The following ZNF610 variants were observed in gnomAD, a reference collection of about 807,000 sequenced individuals.
ZNF610 encodes zink finger protein.
Under a neutral mutation model 14.1 loss-of-function variants are expected in ZNF610, and 14 were observed. The ratio of observed to expected loss-of-function variants is 0.99; its 90% CI spans 0.65 to 1.55. The LOEUF is 1.55. ZNF610 is among the 40% of genes most tolerant of loss of function. The pLI is 0.00. For synonymous variants in ZNF610, 185 were observed against 187.6 expected (o/e 0.99, Z 0.11); for missense variants, 530 against 558.0 (o/e 0.95, Z 0.51).
intron 1 of ZNF610, among the ~76,000 whole-genome samples, chr19:52,337,668 C>A (rs1222727966): frequency 2.0e-5 from 3 of 152,064 alleles, no homozygotes; most frequent in Non-Finnish European, 4.4e-5. Context: ...AGAGGGGGAA[C>A]CTGAGTGCAG....
intron 5 of ZNF610, among the ~76,000 whole-genome samples, chr19:52,355,723 G>A (rs531281036): frequency 2.8e-4 from 43 of 152,320 alleles, no homozygotes; most frequent in Non-Finnish European, 4.6e-4. Flanking sequence ...TACTTTGCTC[G>A]GGTGGCTCAC....
upstream of ZNF610, chr19:52,336,224 TGC>T (rs1193877778): frequency 2.1e-5 from 5 of 237,346 alleles, no homozygotes; most frequent in East Asian, 1.6e-4. Context: ...CTCTCTATGC[TGC>T]GCGCGCGCAG....
upstream of ZNF610, among the ~76,000 whole-genome samples, chr19:52,334,513 AAAAATAAAAT>A (rs145352931): frequency 1.3e-4 from 20 of 152,258 alleles, no homozygotes; most frequent in African/African-American, 4.8e-4. Context: ...ACTTTGTCTC[AAAAATAAAAT>A]AAAATAAAGT....
intron 5 of ZNF610, among the ~76,000 whole-genome samples, chr19:52,359,604 A>G (rs1172342024): frequency 6.6e-6 from 1 of 152,156 alleles, no homozygotes; most frequent in African/African-American, 2.4e-5. Flanking sequence ...CTCTCAAACC[A>G]TGTTTTTCCT....
At chr19:52,343,563 TC>T (rs1984788629) in intron 1 of ZNF610, among the ~76,000 whole-genome samples, 2 of 49,374 alleles carry the variant, frequency 4.1e-5, no homozygotes, top group Non-Finnish European at 1.4e-4. Flanking sequence ...TGAGACTGTC[TC>T]AAAAAAAAAA....
intron 5 of ZNF610, among the ~76,000 whole-genome samples, chr19:52,365,373 A>G (rs1985970102): frequency 6.6e-6 from 1 of 152,140 alleles, no homozygotes; most frequent in African/African-American, 2.4e-5. Flanking sequence ...TACTATTACT[A>G]ATGTCTATAC....
Position 52,354,376 on chromosome 19 carries a change from A to G in ZNF610, c.316A>G (p.Thr106Ala), listed in dbSNP as rs755604446. Residue 106 changes from threonine to alanine, a missense_variant, in exon 5 of 6, where the codon ACA (threonine) becomes GCA (alanine). Transcript: ENST00000403906. ...AAGGGAATGTGTCAGAAGCGTGAAC[A>G]CAGGTAAGAGCTCTGATGGGCAGTG... ...DGRECVRSVN[T>A]GRSCVLGSNA... is the part of the protein sequence containing the mutation. 11 of 1,613,934 alleles carry G rather than the reference A, an allele frequency of 6.8e-6. No homozygotes were observed. In the East Asian group the frequency reaches 2.5e-4, roughly 36 times the overall value.
upstream of ZNF610, among the ~76,000 whole-genome samples, chr19:52,333,767 T>G (rs983100069): frequency 6.6e-6 from 1 of 152,140 alleles, no homozygotes; most frequent in East Asian, 1.9e-4. Context: ...AATTAAAAGG[T>G]AAAAATGCTG....
intron 1 of ZNF610, chr19:52,345,087 C>T (rs1022308057): frequency 6.6e-6 from 1 of 152,238 alleles, no homozygotes; most frequent in Non-Finnish European, 1.5e-5. Flanking sequence ...CGGCCAGTCC[C>T]ATGCTATTTT....
At chr19:52,330,778 A>T in the ZNF610 span, among the ~76,000 whole-genome samples, 5 of 152,264 alleles carry the variant, frequency 3.3e-5, no homozygotes, top group East Asian at 9.7e-4. Context: ...TGACTCTGAG[A>T]ACCATATGCT....
upstream of ZNF610, among the ~76,000 whole-genome samples, chr19:52,332,256 T>C (rs1174866805): frequency 6.6e-6 from 1 of 152,202 alleles, no homozygotes; most frequent in East Asian, 1.9e-4. The surrounding 1 kb of genome is among the most constrained non-coding windows in gnomAD (Gnocchi z 4.1). Context: ...CTCAGGTTAA[T>C]TTGCAGACAC....
chr19:52,344,478 CTG>C (rs745472823), intron 1 of ZNF610, among the ~76,000 whole-genome samples: 10 of 152,184 alleles, frequency 6.6e-5, no homozygotes, highest in Non-Finnish European at 1.2e-4. Context: ...AAGGTGGGGA[CTG>C]TGCTGGCTCA....
At chr19:52,330,546 C>T in the ZNF610 span, among the ~76,000 whole-genome samples, 4 of 152,160 alleles carry the variant, frequency 2.6e-5, no homozygotes, top group Non-Finnish European at 5.9e-5. Context: ...TTTCCATTCT[C>T]AATTACCAGA....
intron 5 of ZNF610, among the ~76,000 whole-genome samples, chr19:52,359,310 A>G (rs1985671093): frequency 6.6e-6 from 1 of 152,092 alleles, no homozygotes; most frequent in African/African-American, 2.4e-5. Flanking sequence ...ACTTTGTTTC[A>G]GCAATTTTTT....
In ZNF610 at chr19:52,366,629, C is replaced by A. The variant is rs947381634; in HGVS notation, c.1251C>A (p.Asn417Lys). 1 of 1,613,952 alleles carries A rather than the reference C, an allele frequency of 6.2e-7. No homozygotes were observed. Residue 417 changes from asparagine to lysine, a missense_variant, in exon 6 of 6, where the codon AAC (asparagine) becomes AAA (lysine). Coordinates refer to ENST00000403906, the MANE Select transcript of ZNF610 (RefSeq NM_001161425.2). Reference protein sequence around the residue: ...KVFGRKLYLTNHQRIHTGERP... With the variant: ...KVFGRKLYLTKHQRIHTGERP... The stretch of plus-strand genomic sequence containing the variant: ...TTGGGCGCAAATTATACCTAACCAA[C>A]CATCAGAGAATTCATACTGGAGAGA...
chr19:52,337,669 C>G (rs1047229788), intron 1 of ZNF610, among the ~76,000 whole-genome samples: 20 of 152,158 alleles, frequency 1.3e-4, no homozygotes, highest in African/African-American at 4.8e-4. Context: ...GAGGGGGAAC[C>G]TGAGTGCAGA....
chr19:52,365,199 T>C lies in ZNF610; in HGVS notation c.320-499T>C, dbSNP rs1488325564. Among the ~76,000 whole-genome samples the C allele has an allele frequency of 3.8e-4, 56 of 148,802 alleles. 1 individual carries two copies. Among genetic ancestry groups the C allele is most frequent in the Non-Finnish European group, 5.9e-5 (4 of 67,610 alleles). On this transcript the variant is annotated intron_variant, in intron 5 of 5. Coordinates refer to ENST00000403906, the MANE Select transcript of ZNF610 (RefSeq NM_001161425.2). The stretch of plus-strand genomic sequence containing the variant: ...TTGCAGTGAGCTGAGGTGGTGCCAC[T>C]GCACTCCAGCCTGGGGCAACAGAGA...
intron 1 of ZNF610, among the ~76,000 whole-genome samples, chr19:52,345,885 T>A (rs1984920316): frequency 6.6e-6 from 1 of 151,554 alleles, no homozygotes; most frequent in South Asian, 2.1e-4. Context: ...TTTGTATTTT[T>A]AGTAGAGACG....
At chr19:52,350,077 T>C (rs1398720270) in intron 3 of ZNF610, among the ~76,000 whole-genome samples, 2 of 152,196 alleles carry the variant, frequency 1.3e-5, no homozygotes, top group East Asian at 3.9e-4. Flanking sequence ...GGGAGTCTTG[T>C]ACAGCATCTG....
Sources: gnomAD v4.1 joint callset for allele counts (sites outside exome capture counted in the v4.1 genomes callset) on GRCh38, gnomAD v4.1.1 for gene constraint, Gnocchi (gnomAD v3.1) non-coding constraint, MANE v1.5 for transcripts, NCBI Gene and HGNC (gene_info 2026-07-23, HGNC 2026-07-21) for gene names.